Variants in DSCAM observed in about 807,000 individuals in gnomAD.
The protein encoded by DSCAM is cell adhesion molecule DSCAM.
In DSCAM, 47 loss-of-function variants were observed where a neutral mutation model predicts 217.7. The ratio of observed to expected loss-of-function variants is 0.22; its 90% confidence interval spans 0.17 to 0.28. The LOEUF (loss-of-function observed/expected upper bound fraction) is 0.28. Ranked by LOEUF, DSCAM falls within the 10% of genes least tolerant of loss-of-function variation. The probability of loss-of-function intolerance (pLI) is 1.00; values close to 1 mark genes in which losing one functional copy is unlikely to be tolerated. For missense variants in DSCAM, 2,080 were observed against 2,618.3 expected, an observed-to-expected ratio of 0.79 and a Z score of 4.49; for synonymous variants, 1,056 against 1,015.3, an observed-to-expected ratio of 1.04 and a Z score of -0.76.
chr21:40,067,727 CCCTCCCTCCCCTCATT>C (rs2089230030), intron 27 of DSCAM, among the ~76,000 whole-genome samples: 1 of 53,420 alleles, frequency 1.9e-5, no homozygotes, highest in Non-Finnish European at 3.1e-5. Context: ...TCCCCTCATT[CCCTCCCTCCCCTCATT>C]CCCTCCCTCC....
chr21:40,718,941 C>T (rs1235162340), intron 1 of DSCAM, among the ~76,000 whole-genome samples: 1 of 149,910 alleles, frequency 6.7e-6, no homozygotes, highest in Non-Finnish European at 1.5e-5. Flanking sequence ...GCCTGGGGAA[C>T]ATAGCAAGAC....
chr21:40,536,658 G>C (rs964948673), intron 3 of DSCAM, among the ~76,000 whole-genome samples: 1 of 152,054 alleles, frequency 6.6e-6, no homozygotes, highest in Middle Eastern at 3.2e-3. Flanking sequence ...CGCCCGCCTT[G>C]GCCTCCCAAA....
intron 15 of DSCAM, among the ~76,000 whole-genome samples, chr21:40,169,064 G>A (rs935643271): frequency 1.3e-5 from 2 of 152,044 alleles, no homozygotes; most frequent in African/African-American, 4.8e-5. Flanking sequence ...AACAACAAAA[G>A]GTAAACTTGA....
chr21:40,706,283 T>C (rs981043883), intron 2 of DSCAM, among the ~76,000 whole-genome samples: 3 of 152,086 alleles, frequency 2.0e-5, no homozygotes, highest in African/African-American at 7.2e-5. Flanking sequence ...AGGCGGCTCA[T>C]TGCTACTTGC....
Position 40,805,643 on chromosome 21 carries a change from G to T in DSCAM, c.43+40976C>A, listed in dbSNP as rs187124741. ...CACACAGCCCTATACCATCTAGCCT[G>T]TTGTCCTGACACTCAGCCCATACCA... On this transcript the variant is annotated intron_variant, in intron 1 of 32. Coordinates refer to ENST00000400454, the MANE Select transcript of DSCAM (RefSeq NM_001389.5). Among the ~76,000 whole-genome samples, 4 of 151,992 alleles carry T rather than the reference G, an allele frequency of 2.6e-5. No individual in the cohort carries two copies. In the East Asian group the frequency reaches 7.7e-4, roughly 29 times the overall value.
At chr21:40,137,037 G>A (rs886269112) in intron 18 of DSCAM, among the ~76,000 whole-genome samples, 1 of 151,938 alleles carries the variant, frequency 6.6e-6, no homozygotes, top group Non-Finnish European at 1.5e-5. Context: ...AGCCTGGCGT[G>A]GTGGTGGGCA....
At chr21:40,580,151 G>T (rs914164) in intron 3 of DSCAM, among the ~76,000 whole-genome samples, 67,685 of 150,532 alleles carry the variant, frequency 0.45, 16,059 homozygotes, top group Admixed American at 0.55. Flanking sequence ...GCGCGATCTC[G>T]GCTCACTGCA....
intron 11 of DSCAM, among the ~76,000 whole-genome samples, chr21:40,216,579 C>T (rs1358841390): frequency 6.6e-6 from 1 of 152,214 alleles, no homozygotes; most frequent in Non-Finnish European, 1.5e-5. Context: ...TCATCAGTTA[C>T]AAAACCAAAG....
At chr21:40,299,183 A>G (rs747574136) in intron 9 of DSCAM, among the ~76,000 whole-genome samples, 1 of 152,202 alleles carries the variant, frequency 6.6e-6, no homozygotes, top group Admixed American at 6.5e-5. Context: ...TTAATAGCTC[A>G]GATGTTTGGT....
intron 11 of DSCAM, among the ~76,000 whole-genome samples, chr21:40,261,321 T>C (rs1421306872): frequency 1.3e-5 from 2 of 152,186 alleles, no homozygotes; most frequent in Non-Finnish European, 2.9e-5. Context: ...TCTATATGTA[T>C]CTGTGAGGGT....
intron 19 of DSCAM, among the ~76,000 whole-genome samples, chr21:40,129,863 T>C (rs780551007): frequency 2.6e-5 from 4 of 152,166 alleles, no homozygotes; most frequent in Admixed American, 6.5e-5. Context: ...TTCACAAGTA[T>C]GTATGGCTCA....
chr21:40,282,832 T>G (rs941821847), intron 10 of DSCAM, among the ~76,000 whole-genome samples: 1 of 152,182 alleles, frequency 6.6e-6, no homozygotes, highest in African/African-American at 2.4e-5. Flanking sequence ...ACTACAATGC[T>G]AAGTCGTCTC....
At chr21:40,646,416 A>T (rs1225430176) in intron 3 of DSCAM, among the ~76,000 whole-genome samples, 4,857 of 149,556 alleles carry the variant, frequency 0.032, 168 homozygotes, top group East Asian at 0.17. Flanking sequence ...CTGTCAAAAA[A>T]AAAAAAAAAA....
intron 1 of DSCAM, among the ~76,000 whole-genome samples, chr21:40,724,373 C>T (rs2090933002): frequency 6.6e-6 from 1 of 151,978 alleles, no homozygotes; most frequent in Non-Finnish European, 1.5e-5. Flanking sequence ...AGAAAGAGTA[C>T]AGAGTTATGT....
At chr21:40,019,491 G>A (rs960073953) in intron 32 of DSCAM, among the ~76,000 whole-genome samples, 12 of 152,222 alleles carry the variant, frequency 7.9e-5, no homozygotes, top group African/African-American at 2.9e-4. Context: ...GCATGTGAAA[G>A]CTTTCCCTGG....
intron 3 of DSCAM, among the ~76,000 whole-genome samples, chr21:40,517,704 C>A (rs2076314562): frequency 6.6e-6 from 1 of 152,098 alleles, no homozygotes; most frequent in Non-Finnish European, 1.5e-5. Flanking sequence ...GTGTAAAAAA[C>A]CAAAGTGCTT....
chr21:40,647,291 T>C (rs1207525379), intron 3 of DSCAM, among the ~76,000 whole-genome samples: 1 of 152,242 alleles, frequency 6.6e-6, no homozygotes, highest in Non-Finnish European at 1.5e-5. Flanking sequence ...GCACTGTTTG[T>C]ATATTTATAT....
intron 3 of DSCAM, among the ~76,000 whole-genome samples, chr21:40,569,981 C>A (rs1267155392): frequency 6.6e-6 from 1 of 152,064 alleles, no homozygotes. Flanking sequence ...ATGCCAAAAG[C>A]TGGGATGAGT....
At chr21:40,030,096 A>G (rs1487196329) in intron 32 of DSCAM, among the ~76,000 whole-genome samples, 1 of 152,222 alleles carries the variant, frequency 6.6e-6, no homozygotes, top group African/African-American at 2.4e-5. Flanking sequence ...GTGGATACAT[A>G]AGCACATGCT....
Sources: gnomAD v4.1 joint callset for allele counts (sites outside exome capture counted in the v4.1 genomes callset) on GRCh38, gnomAD v4.1.1 for gene constraint, MANE v1.5 for transcripts, NCBI Gene and HGNC (gene_info 2026-07-23, HGNC 2026-07-21) for gene names.